The following FHIP1A variants were observed in gnomAD, a reference collection of about 807,000 sequenced individuals.
FHIP1A encodes the protein FHF complex subunit HOOK-interacting protein 1A.
Under a neutral mutation model 88.6 loss-of-function variants are expected in FHIP1A, and 61 were observed. The ratio of observed to expected loss-of-function variants is 0.69; its 90% CI spans 0.56 to 0.85. FHIP1A has a LOEUF of 0.85. Ranked by LOEUF, FHIP1A falls within the 40% of genes least tolerant of loss-of-function variation. The probability of loss-of-function intolerance (pLI) is 0.00; values close to 1 mark genes in which losing one functional copy is unlikely to be tolerated. For synonymous variants in FHIP1A, 478 were observed against 496.0 expected, an observed-to-expected ratio of 0.96 and a Z score of 0.48; for missense variants, 1,154 against 1,273.5, an observed-to-expected ratio of 0.91 and a Z score of 1.43.
intron 1 of FHIP1A, among the ~76,000 whole-genome samples, chr4:151,413,925 A>G (rs1033437681): frequency 3.3e-5 from 5 of 152,236 alleles, no homozygotes; most frequent in African/African-American, 1.2e-4. Context: ...TGTAGAGACA[A>G]ACCTCTCCCA....
At chr4:151,660,465 A>G (rs1254965670) in intron 13 of FHIP1A, among the ~76,000 whole-genome samples, 1 of 152,364 alleles carries the variant, frequency 6.6e-6, no homozygotes, top group Middle Eastern at 3.4e-3. Flanking sequence ...GAATACGAGC[A>G]GCTGCAGGGA....
chr4:151,421,998 A>G (rs1733187706), intron 1 of FHIP1A, among the ~76,000 whole-genome samples: 1 of 152,010 alleles, frequency 6.6e-6, no homozygotes, highest in African/African-American at 2.4e-5. Flanking sequence ...GGATGCAACC[A>G]TTTTTAATGA....
At chr4:151,476,426 G>A (rs1729708559) in intron 2 of FHIP1A, among the ~76,000 whole-genome samples, 2 of 152,052 alleles carry the variant, frequency 1.3e-5, no homozygotes, top group African/African-American at 4.8e-5. Context: ...TGGGATTACA[G>A]TTGTGAGCCA....
intron 3 of FHIP1A, among the ~76,000 whole-genome samples, chr4:151,489,149 C>G (rs971221847): frequency 6.6e-6 from 1 of 152,214 alleles, no homozygotes; most frequent in Non-Finnish European, 1.5e-5. Context: ...CACCCACATC[C>G]CACTGGGAAC....
intron 7 of FHIP1A, among the ~76,000 whole-genome samples, chr4:151,615,368 G>A (rs1267720841): frequency 1.3e-5 from 2 of 151,294 alleles, no homozygotes; most frequent in African/African-American, 2.4e-5. Flanking sequence ...TTTCTTAGCT[G>A]TAAGATGAGA....
At chr4:151,423,378 G>A (rs982053458) in intron 1 of FHIP1A, among the ~76,000 whole-genome samples, 8 of 151,932 alleles carry the variant, frequency 5.3e-5, no homozygotes, top group Non-Finnish European at 1.0e-4. Flanking sequence ...GGAAATTTAG[G>A]GGTTACATGG....
chr4:151,515,067 C>G (rs1731177518), intron 3 of FHIP1A, among the ~76,000 whole-genome samples: 1 of 152,144 alleles, frequency 6.6e-6, no homozygotes, highest in South Asian at 2.1e-4. Context: ...AAAATACTGG[C>G]AAACTGAATC....
intron 1 of FHIP1A, among the ~76,000 whole-genome samples, chr4:151,415,818 T>G (rs749241315): frequency 6.6e-5 from 10 of 152,206 alleles, no homozygotes; most frequent in Non-Finnish European, 1.2e-4. Flanking sequence ...TTCACCTCAT[T>G]TCCTCACATT....
At position 151,649,700 on chromosome 4, in the gene FHIP1A, G is replaced by T; in HGVS notation, c.1659G>T (p.Gly553=). 6.4e-7 allele frequency: 1 copy of T among 1,551,522 alleles called. No homozygotes were observed. The highest frequency in any genetic ancestry group is 8.7e-7 in the Non-Finnish European group (1 of 1,146,932). The part of the protein sequence containing the change: ...GSVSSACPVF[G]LPQQLPRKTG... ...TGAGCTCGGCCTGCCCTGTGTTCGG[G>T]CTCCCGCAACAACTCCCCAGGAAGA... The change falls in exon 11 of 14, where the codon GGG becomes GGT. Residue 553 remains glycine (G), a synonymous_variant. Coordinates refer to ENST00000435205, the MANE Select transcript of FHIP1A (RefSeq NM_001109977.3).
intron 1 of FHIP1A, among the ~76,000 whole-genome samples, chr4:151,425,264 G>A (rs1003756547): frequency 6.6e-6 from 1 of 152,248 alleles, no homozygotes; most frequent in Non-Finnish European, 1.5e-5. Flanking sequence ...CCATAAAGAT[G>A]TAGCCAAATT....
At chr4:151,463,868 A>G (rs1387457187) in intron 2 of FHIP1A, among the ~76,000 whole-genome samples, 2 of 151,996 alleles carry the variant, frequency 1.3e-5, no homozygotes, top group South Asian at 2.1e-4. Flanking sequence ...GAGTTTTTCT[A>G]TTTTTTACAT....
chr4:151,571,005 A>G (rs891428425), intron 4 of FHIP1A, among the ~76,000 whole-genome samples: 6 of 152,142 alleles, frequency 3.9e-5, no homozygotes, highest in African/African-American at 1.2e-4. Context: ...TTTTATCTGA[A>G]TGGAAAAGAG....
Position 151,655,792 on chromosome 4 carries a change from C to CT in FHIP1A, c.2552-436dup, listed in dbSNP as rs200417928. 5.6e-3 allele frequency among the ~76,000 whole-genome samples: 856 copies of CT among 152,270 alleles called. 7 individuals are homozygous for CT. Among genetic ancestry groups the CT allele is most frequent in the African/African-American group, 0.019 (810 of 41,554 alleles). ...TACAGAGAATTTTTCATTACTAAGA[C>CT]TTTTAATGGCCTTTGGTGCTTACAT... On this transcript the variant is annotated intron_variant, in intron 11 of 13. Transcript: ENST00000435205.
Position 151,650,019 on chromosome 4 carries a change from CAGG to C in FHIP1A, c.1983_1985del (p.Glu662del). ...GGACTCCGAGGACATGAAGGATTCT[CAGG>C]AGGAAGCTGCTAGGCCACCAGCTGA... is the stretch of plus-strand genomic sequence containing the variant. On this transcript the variant is annotated inframe_deletion, in exon 11 of 14. Transcript: ENST00000435205. The C allele has an allele frequency of 6.4e-7, 1 of 1,551,694 alleles. No homozygotes were observed. The highest frequency in any genetic ancestry group is 1.4e-5 in the African/African-American group (1 of 73,154).
intron 7 of FHIP1A, among the ~76,000 whole-genome samples, chr4:151,611,069 CTGTGTGTGTGTATGTATGTG>C (rs1316970786): frequency 1.3e-5 from 2 of 151,606 alleles, no homozygotes; most frequent in Admixed American, 6.6e-5. Flanking sequence ...AGGTAGGAGC[CTGTGTGTGTGTATGTATGTG>C]TGTGTGTGTG....
intron 3 of FHIP1A, among the ~76,000 whole-genome samples, chr4:151,520,130 G>C (rs1429282086): frequency 6.6e-6 from 1 of 151,978 alleles, no homozygotes; most frequent in Non-Finnish European, 1.5e-5. Flanking sequence ...GCTTTCTGTG[G>C]CCTGTTGCCA....
At chr4:151,621,597 G>A (rs1247682920) in intron 7 of FHIP1A, among the ~76,000 whole-genome samples, 1 of 151,676 alleles carries the variant, frequency 6.6e-6, no homozygotes, top group Non-Finnish European at 1.5e-5. Context: ...GGGTTGCGTG[G>A]AATGGAATGG....
chr4:151,538,933 G>A (rs1732167919), intron 3 of FHIP1A, among the ~76,000 whole-genome samples: 1 of 152,178 alleles, frequency 6.6e-6, no homozygotes, highest in Non-Finnish European at 1.5e-5. Flanking sequence ...CTTTAGGTGA[G>A]GTTGGGAGGG....
chr4:151,457,163 A>C (rs1192816148), intron 2 of FHIP1A, among the ~76,000 whole-genome samples: 2 of 152,214 alleles, frequency 1.3e-5, no homozygotes, highest in Non-Finnish European at 2.9e-5. Context: ...TTTTTTCCCC[A>C]TAAATGATGT....
Sources: gnomAD v4.1 joint callset for allele counts (sites outside exome capture counted in the v4.1 genomes callset) on GRCh38, gnomAD v4.1.1 for gene constraint, MANE v1.5 for transcripts, NCBI Gene and HGNC (gene_info 2026-07-23, HGNC 2026-07-21) for gene names.